The following C5 variants were observed in gnomAD, a reference collection of about 807,000 sequenced individuals.
C5 encodes the protein complement C5, also known as C3 and PZP-like alpha-2-macroglobulin domain-containing protein 4.
In C5, 140 loss-of-function variants were observed where a neutral mutation model predicts 218.8. That is an observed-to-expected ratio of 0.64 (90% confidence interval 0.56 to 0.74). The LOEUF is 0.74. Ranked by LOEUF, C5 falls within the 30% of genes least tolerant of loss-of-function variation. C5 has a pLI of 0.00. For synonymous variants in C5, 614 were observed against 682.3 expected, an observed-to-expected ratio of 0.90 and a Z score of 1.56; for missense variants, 1,700 against 1,969.6, an observed-to-expected ratio of 0.86 and a Z score of 2.59.
chr9:121,074,192 C>T, the C5 span, among the ~76,000 whole-genome samples: 3 of 152,064 alleles, frequency 2.0e-5, no homozygotes, highest in East Asian at 1.9e-4. Flanking sequence ...CGGGAGGCTA[C>T]TGGAGTGAAA....
intron 17 of C5, among the ~76,000 whole-genome samples, chr9:121,010,409 C>G (rs2047251916): frequency 6.6e-6 from 1 of 151,690 alleles, no homozygotes; most frequent in African/African-American, 2.4e-5. Context: ...AATTAAATAC[C>G]TAGGAATTAA....
intron 14 of C5, 40 bp downstream of exon 14, chr9:121,017,322 C>T (rs2047315915): frequency 6.2e-7 from 1 of 1,611,828 alleles, no homozygotes; most frequent in Non-Finnish European, 8.5e-7. Context: ...CTGGTGGCCA[C>T]ACTTCATGCA....
chr9:121,023,605 CA>C, intron 9 of C5, 86 bp from the exon 10 acceptor site: 2 of 791,796 alleles, frequency 2.5e-6, no homozygotes, highest in East Asian at 4.9e-5. Context: ...TATGTCTCCA[CA>C]GACTTATTCA....
At chr9:121,069,267 T>C in the C5 span, among the ~76,000 whole-genome samples, 15 of 152,132 alleles carry the variant, frequency 9.9e-5, no homozygotes, top group Non-Finnish European at 2.1e-4. Context: ...GGAATTAATA[T>C]CTGGAATACA....
At chr9:121,072,573 G>C in the C5 span, among the ~76,000 whole-genome samples, 4 of 152,026 alleles carry the variant, frequency 2.6e-5, no homozygotes, top group African/African-American at 9.7e-5. Flanking sequence ...TTGGGAGGCC[G>C]AGGCGGGCGG....
rs1345428235 is a variant in C5 at position 120,952,360 on chromosome 9, G to C, written c.*379C>G. ...TTTGAAAGCAAACTCAGGCTTTAATGATCAGTTTCCTGTTCCTTGGTATTT... is the reference window on the plus strand; with the variant it reads ...TTTGAAAGCAAACTCAGGCTTTAATCATCAGTTTCCTGTTCCTTGGTATTT... On this transcript the variant is annotated 3_prime_UTR_variant, in exon 41 of 41. Transcript: ENST00000223642. The C allele has an allele frequency of 3.6e-6, 1 of 281,214 alleles. No individual in the cohort carries two copies. The highest frequency in any genetic ancestry group is 6.9e-6 in the Non-Finnish European group (1 of 144,228). The allele number at this position is 281,214 out of a possible 1,614,324, so 17.4% of individuals were successfully genotyped here.
At chr9:120,987,586 C>T (rs563363278) in intron 25 of C5, among the ~76,000 whole-genome samples, 9 of 142,686 alleles carry the variant, frequency 6.3e-5, no homozygotes, top group South Asian at 4.5e-4. Context: ...TGCAGTGAGC[C>T]GAGATCGTGC....
At chr9:121,004,708 G>C (rs1237744867) in intron 20 of C5, among the ~76,000 whole-genome samples, 1 of 151,886 alleles carries the variant, frequency 6.6e-6, no homozygotes, top group Admixed American at 6.6e-5. Flanking sequence ...GGGAGGAGGA[G>C]TTTGCAGTGA....
At position 120,952,880 on chromosome 9, in the gene C5, CAA is replaced by C; in HGVS notation, c.4902-14_4902-13del. ...AAGGGTAGATGTACCTACCAAGAAACAAAGTGTTTGTGAGGTGGCCACAAAAC... is the reference window on the plus strand; with the variant it reads ...AAGGGTAGATGTACCTACCAAGAAACAGTGTTTGTGAGGTGGCCACAAAAC... On this transcript the variant is annotated splice_polypyrimidine_tract_variant and intron_variant, in intron 40 of 40. Transcript: ENST00000223642. 6.2e-7 allele frequency: 1 copy of C among 1,613,276 alleles called. No individual in the cohort carries two copies. Among genetic ancestry groups the C allele is most frequent in the Non-Finnish European group, 8.5e-7 (1 of 1,179,604 alleles).
chr9:120,998,506 G>C (rs2047136168), intron 20 of C5, among the ~76,000 whole-genome samples: 1 of 152,118 alleles, frequency 6.6e-6, no homozygotes. Context: ...TAAATGATGG[G>C]TTTCATCAAA....
At position 121,002,237 on chromosome 9, in the gene C5, T is replaced by TAC. The variant is rs1491310922; in HGVS notation, c.2562+3681_2562+3682insGT. Among the ~76,000 whole-genome samples the TAC allele has an allele frequency of 3.3e-4, 18 of 54,356 alleles. 1 individual carries two copies. The South Asian group carries it at 3.7e-3, about 11-fold the overall frequency. The allele number at this position is 54,356 out of a possible 152,430, so 35.7% of individuals were successfully genotyped here. On this transcript the variant is annotated intron_variant, in intron 20 of 40. Coordinates refer to ENST00000223642, the MANE Select transcript of C5 (RefSeq NM_001735.3). ...ATACGTATATATATATATGTATATA[T>TAC]GTATATGTATATATATGTATATATG...
chr9:120,990,171 C>A (rs1335879973), intron 23 of C5, among the ~76,000 whole-genome samples: 1 of 152,182 alleles, frequency 6.6e-6, no homozygotes, highest in African/African-American at 2.4e-5. Context: ...ATTCACTGTG[C>A]AACCTTGGAC....
In C5 at chr9:121,005,978, G is replaced by A. The variant is rs2047212588; in HGVS notation, c.2503C>T (p.Arg835Ter). Residue 835 changes from arginine to a stop codon, truncating the protein, a stop_gained, in exon 20 of 41, where the codon CGA becomes TGA. Transcript: ENST00000223642. LOFTEE classifies it high-confidence loss of function. The part of the protein sequence containing the change: ...LEMNIPYSVV[R>*]GEQIQLKGTV... ...CCTTTCAATTGGATCTGTTCTCCTCGTACAACAGAATATGGTATATTCATT... is the reference window on the plus strand; with the variant it reads ...CCTTTCAATTGGATCTGTTCTCCTCATACAACAGAATATGGTATATTCATT... 5 of 1,613,350 alleles carry A rather than the reference G, an allele frequency of 3.1e-6. No individual in the cohort carries two copies. Among genetic ancestry groups the A allele is most frequent in the African/African-American group, 2.7e-5 (2 of 74,848 alleles).
intron 33 of C5, among the ~76,000 whole-genome samples, chr9:120,966,750 G>A (rs773840035): frequency 6.6e-6 from 1 of 152,170 alleles, no homozygotes; most frequent in Non-Finnish European, 1.5e-5. Context: ...AGATGTTTGA[G>A]CGGGAACAGA....
chr9:121,000,517 C>T (rs894894970), intron 20 of C5, among the ~76,000 whole-genome samples: 24 of 151,940 alleles, frequency 1.6e-4, no homozygotes, highest in Non-Finnish European at 3.2e-4. Flanking sequence ...TATATGGGGG[C>T]AAGATGACAT....
chr9:120,993,588 A>G (rs1419086738), intron 22 of C5, among the ~76,000 whole-genome samples: 1 of 151,868 alleles, frequency 6.6e-6, no homozygotes, highest in Non-Finnish European at 1.5e-5. Context: ...ACGCCTGGCT[A>G]ATTTTTTGTA....
chr9:121,027,363 C>T (rs1417896224), intron 7 of C5, 89 bp from the exon 8 acceptor site: 2 of 730,536 alleles, frequency 2.7e-6, no homozygotes, highest in East Asian at 2.7e-5. Flanking sequence ...TTACGTAAAG[C>T]ACTTGAGGCA....
chr9:121,072,708 A>G, the C5 span, among the ~76,000 whole-genome samples: 1 of 150,378 alleles, frequency 6.6e-6, no homozygotes, highest in African/African-American at 2.4e-5. Flanking sequence ...CGGGAGGCTG[A>G]GGCAGGAGAA....
At chr9:121,009,844 G>C (rs902208668) in intron 17 of C5, among the ~76,000 whole-genome samples, 5 of 152,236 alleles carry the variant, frequency 3.3e-5, no homozygotes, top group Middle Eastern at 3.2e-3. Flanking sequence ...TCTGTGTTGG[G>C]AGAGGGAGAG....
Sources: gnomAD v4.1 joint callset for allele counts (sites outside exome capture counted in the v4.1 genomes callset) on GRCh38, gnomAD v4.1.1 for gene constraint, MANE v1.5 for transcripts, NCBI Gene and HGNC (gene_info 2026-07-23, HGNC 2026-07-21) for gene names.